SEC61A1: variants seen among roughly 807,000 people sequenced by gnomAD.
SEC61A1 encodes the protein protein transport protein Sec61 subunit alpha isoform 1.
Under a neutral mutation model 55.2 loss-of-function variants are expected in SEC61A1, and 15 were observed. That is an observed-to-expected ratio of 0.27 (90% CI 0.18 to 0.42). The LOEUF is 0.42. Ranked by LOEUF, SEC61A1 falls within the 10% of genes least tolerant of loss-of-function variation. The pLI is 1.00. For synonymous variants in SEC61A1, 247 were observed against 234.0 expected, an observed-to-expected ratio of 1.06 and a Z score of -0.51; for missense variants, 284 against 602.6, an observed-to-expected ratio of 0.47 and a Z score of 5.53.
chr3:128,067,658 G>T lies in SEC61A1; in HGVS notation c.1167+46G>T. The T allele has an allele frequency of 2.1e-6, 3 of 1,428,948 alleles. No homozygotes were observed. The highest frequency in any genetic ancestry group is 2.9e-6 in the Non-Finnish European group (3 of 1,029,120). The allele number at this position is 1,428,948 out of a possible 1,614,324, so 88.5% of individuals were successfully genotyped here. A position where few individuals can be genotyped will look rare whatever the true frequency, so the allele number is the denominator to read the frequency against. On this transcript the variant is annotated intron_variant, in intron 10 of 11. Coordinates refer to ENST00000243253, the MANE Select transcript of SEC61A1 (RefSeq NM_013336.4). The surrounding 1 kb of genome is among the most constrained non-coding windows in gnomAD (Gnocchi z 4.1). ...CTGGAAGGGTGATGAAAGTGTGACTGGTATAAGGGGTGTGGACTTGTCACC... is the reference window on the plus strand; with the variant it reads ...CTGGAAGGGTGATGAAAGTGTGACTTGTATAAGGGGTGTGGACTTGTCACC...
rs778269513 is a variant in SEC61A1 at position 128,052,606 on chromosome 3, C to A, written c.7+47C>A. 2.7e-5 allele frequency: 42 copies of A among 1,578,276 alleles called. No individual in the cohort carries two copies. In the Admixed American group the frequency reaches 7.4e-4, roughly 28 times the overall value. ...TATTGAGGCCGGGACGGAACAGATC[C>A]CCCTTCCCCACACCCGTGCGGTCGG... On this transcript the variant is annotated intron_variant, in intron 1 of 11. Transcript: ENST00000243253.
intron 5 of SEC61A1, among the ~76,000 whole-genome samples, chr3:128,059,825 A>G (rs1941828191): frequency 6.6e-6 from 1 of 152,206 alleles, no homozygotes. Context: ...AAATTTTCCA[A>G]GTTTCACTTT....
chr3:128,052,936 C>A (rs1394695268), intron 2 of SEC61A1, 34 bp downstream of exon 2: 1 of 1,549,402 alleles, frequency 6.5e-7, no homozygotes, highest in African/African-American at 1.4e-5. Flanking sequence ...AAGAAGGTTT[C>A]AGGAAACTGT....
upstream of SEC61A1, chr3:128,051,812 T>C: frequency 6.5e-7 from 1 of 1,534,668 alleles, no homozygotes; most frequent in Non-Finnish European, 8.7e-7. Flanking sequence ...CGGCCAAGTC[T>C]CTCCAGAAAC....
intron 7 of SEC61A1, among the ~76,000 whole-genome samples, chr3:128,063,314 T>A (rs975916445): frequency 3.3e-5 from 5 of 152,172 alleles, no homozygotes; most frequent in African/African-American, 1.2e-4. Context: ...TACTCCAAAG[T>A]GGCCATCAAA....
chr3:128,051,685 T>A, upstream of SEC61A1: 1 of 1,441,108 alleles, frequency 6.9e-7, no homozygotes, highest in South Asian at 1.5e-5. Context: ...CTCAACCTGT[T>A]CCCTCATTCC....
chr3:128,065,109 C>T (rs1364578815), intron 8 of SEC61A1, 72 bp downstream of exon 8: 1 of 1,484,162 alleles, frequency 6.7e-7, no homozygotes, highest in Admixed American at 1.7e-5. Context: ...GTGTGCAGTC[C>T]CCCACTCTGT....
In SEC61A1 at chr3:128,053,945, G is replaced by A. The variant is rs1407023984; in HGVS notation, c.75+1043G>A. Among the ~76,000 whole-genome samples, 5 of 152,306 alleles carry A rather than the reference G, an allele frequency of 3.3e-5. No individual in the cohort carries two copies. In the East Asian group the frequency reaches 9.6e-4, roughly 29 times the overall value. On this transcript the variant is annotated intron_variant, in intron 2 of 11. Coordinates refer to ENST00000243253, the MANE Select transcript of SEC61A1 (RefSeq NM_013336.4). ...GAAATAGAAGTCTCCTTGAAGGGAC[G>A]GAAAGGAATTCCAAATAAAAGGAGT...
At chr3:128,054,715 G>A (rs539451776) in intron 2 of SEC61A1, among the ~76,000 whole-genome samples, 9 of 152,310 alleles carry the variant, frequency 5.9e-5, no homozygotes, top group African/African-American at 2.2e-4. Flanking sequence ...AATAATTAAT[G>A]TTTGTTAAGC....
chr3:128,069,939 T>C lies in SEC61A1; in HGVS notation c.*277T>C, dbSNP rs1942110483. 1 of 346,380 alleles carries C rather than the reference T, an allele frequency of 2.9e-6. No individual in the cohort carries two copies. The highest frequency in any genetic ancestry group is 4.5e-5 in the Admixed American group (1 of 22,148). 21.5% of individuals were successfully genotyped at this position (346,380 alleles called of 1,614,324 possible). On this transcript the variant is annotated 3_prime_UTR_variant, in exon 12 of 12. Coordinates refer to ENST00000243253, the MANE Select transcript of SEC61A1 (RefSeq NM_013336.4). ...GATTGTCCCCAAGTGTCCATGTAAC[T>C]TTTGTTTTAACCTTTGCACCTTCTC...
chr3:128,069,359 A>G (rs1158766601), intron 11 of SEC61A1, 117 bp from the exon 12 acceptor site: 2 of 948,804 alleles, frequency 2.1e-6, no homozygotes, highest in Non-Finnish European at 3.2e-6. Flanking sequence ...ACTTTCTAGG[A>G]GACAGCAGAG....
At chr3:128,052,360 G>A (rs1441616881), upstream of SEC61A1, 2 of 921,660 alleles carry the variant, frequency 2.2e-6, no homozygotes, top group East Asian at 6.2e-5. Context: ...GCGCGTGGCA[G>A]GAAGCGGAAG....
rs144848127 is a variant in SEC61A1, at chr3:128,063,746, C to T, written c.617-1131C>T. 4.5e-3 allele frequency among the ~76,000 whole-genome samples: 690 copies of T among 152,278 alleles called. 10 individuals are homozygous for T. The highest frequency in any genetic ancestry group is 0.016 in the African/African-American group (648 of 41,554). On this transcript the variant is annotated intron_variant, in intron 7 of 11. Coordinates refer to ENST00000243253, the MANE Select transcript of SEC61A1 (RefSeq NM_013336.4). ...GCCAGCTTCCTGCCAGTAGAAGCAGCGTGAGTTGCCAGGCTTCCATTATGG... is the reference window on the plus strand; with the variant it reads ...GCCAGCTTCCTGCCAGTAGAAGCAGTGTGAGTTGCCAGGCTTCCATTATGG...
chr3:128,057,756 A>G (rs571900524), intron 5 of SEC61A1, among the ~76,000 whole-genome samples: 1 of 152,120 alleles, frequency 6.6e-6, no homozygotes, highest in South Asian at 2.1e-4. Flanking sequence ...GCTACTTGAG[A>G]GGCAGAGGCA....
chr3:128,053,361 C>T (rs1314321202), intron 2 of SEC61A1, among the ~76,000 whole-genome samples: 1 of 152,160 alleles, frequency 6.6e-6, no homozygotes, highest in Non-Finnish European at 1.5e-5. Flanking sequence ...TTTATGTAGG[C>T]TGTCACAATA....
rs143414303 is a variant in SEC61A1, at chr3:128,067,447, T to G, written c.1002T>G (p.Arg334=). The change falls in exon 10 of 12, where the codon CGT becomes CGG. Residue 334 remains arginine (R), a synonymous_variant. Coordinates refer to ENST00000243253, the MANE Select transcript of SEC61A1 (RefSeq NM_013336.4). This position sits in a 1 kb window ranked among gnomAD's most constrained non-coding sequence, Gnocchi z 4.1. ...WSDTSSGGPA[R]AYPVGGLCYY... The stretch of plus-strand genomic sequence containing the variant: ...ACACGTCTTCTGGGGGCCCAGCACG[T>G]GCTTATCCAGTTGGTGGCCTTTGCT... The G allele has an allele frequency of 6.6e-4, 1,059 of 1,613,944 alleles. 1 individual carries two copies. Among genetic ancestry groups the G allele is most frequent in the Non-Finnish European group, 8.8e-4 (1,033 of 1,180,004 alleles).
At chr3:128,063,815 CTTTT>C (rs908692166) in intron 7 of SEC61A1, among the ~76,000 whole-genome samples, 4 of 152,150 alleles carry the variant, frequency 2.6e-5, no homozygotes, top group Non-Finnish European at 5.9e-5. Flanking sequence ...TCACTTGTTT[CTTTT>C]TTTCGCTTTT....
At chr3:128,054,551 G>GTA (rs1411018218) in intron 2 of SEC61A1, among the ~76,000 whole-genome samples, 1 of 152,208 alleles carries the variant, frequency 6.6e-6, no homozygotes, top group African/African-American at 2.4e-5. Flanking sequence ...TTGCCTGCAT[G>GTA]TATAGTTAGA....
intron 5 of SEC61A1, among the ~76,000 whole-genome samples, chr3:128,058,201 A>ATTTTTTT (rs57508280): frequency 5.7e-4 from 45 of 79,374 alleles, no homozygotes; most frequent in East Asian, 8.2e-4. Flanking sequence ...AAATACGTCT[A>ATTTTTTT]TTTTTTTTTT....
Sources: allele counts gnomAD v4.1 joint callset (sites outside exome capture counted in the v4.1 genomes callset), GRCh38; gene constraint gnomAD v4.1.1; non-coding constraint Gnocchi (gnomAD v3.1); transcripts MANE v1.5; gene names NCBI Gene and HGNC (gene_info 2026-07-23, HGNC 2026-07-21).